The following PRKCE variants were observed in gnomAD, a reference collection of about 807,000 sequenced individuals.
PRKCE encodes the protein protein kinase C epsilon type.
Under a neutral mutation model 85.4 loss-of-function variants are expected in PRKCE, and 16 were observed. The ratio of observed to expected loss-of-function variants is 0.19; its 90% CI spans 0.13 to 0.28. The LOEUF is 0.28. Ranked by LOEUF, PRKCE falls within the 10% of genes least tolerant of loss-of-function variation. PRKCE has a pLI of 1.00. For synonymous variants in PRKCE, 388 were observed against 371.5 expected (o/e 1.04, Z -0.51); for missense variants, 573 against 975.2 (o/e 0.59, Z 5.49).
At chr2:46,015,691 C>CAAAAAAAAAAAAAAAAAAACA (rs1706073650) in intron 10 of PRKCE, among the ~76,000 whole-genome samples, 1 of 80,798 alleles carries the variant, frequency 1.2e-5, no homozygotes, top group African/African-American at 4.6e-5. Flanking sequence ...AACACTAAAC[C>CAAAAAAAAAAAAAAAAAAACA]AAAAAAAAAA....
chr2:45,900,960 G>A (rs1369195138), intron 2 of PRKCE, among the ~76,000 whole-genome samples: 1 of 152,198 alleles, frequency 6.6e-6, no homozygotes, highest in Non-Finnish European at 1.5e-5. Flanking sequence ...TACAGGTACT[G>A]TAAGGACTTT....
chr2:45,810,399 C>T (rs1366332073), intron 1 of PRKCE, among the ~76,000 whole-genome samples: 1 of 152,126 alleles, frequency 6.6e-6, no homozygotes, highest in Non-Finnish European at 1.5e-5. Context: ...TATCTTTGCA[C>T]ATGGCAAAGA....
chr2:45,776,891 T>C (rs1057296343), intron 1 of PRKCE, among the ~76,000 whole-genome samples: 1 of 152,224 alleles, frequency 6.6e-6, no homozygotes, highest in Admixed American at 6.5e-5. Context: ...CTGATCTGTG[T>C]ATCTTCTCTC....
chr2:45,859,765 G>A (rs1311572899), intron 2 of PRKCE, among the ~76,000 whole-genome samples: 4 of 152,110 alleles, frequency 2.6e-5, no homozygotes, highest in African/African-American at 9.7e-5. Context: ...ATGAAACTTG[G>A]TGGATCTTGA....
chr2:45,690,809 CA>C (rs1442898051), intron 1 of PRKCE, among the ~76,000 whole-genome samples: 1 of 152,126 alleles, frequency 6.6e-6, no homozygotes, highest in Non-Finnish European at 1.5e-5. Flanking sequence ...ACTGGGGCAC[CA>C]GTGGAAAGGC....
chr2:45,723,259 CG>C (rs1265721901), intron 1 of PRKCE, among the ~76,000 whole-genome samples: 1 of 152,156 alleles, frequency 6.6e-6, no homozygotes, highest in Non-Finnish European at 1.5e-5. Context: ...TAGAAAATGC[CG>C]TGACTCCTCC....
intron 1 of PRKCE, among the ~76,000 whole-genome samples, chr2:45,764,291 G>A (rs996325386): frequency 2.6e-5 from 4 of 152,186 alleles, no homozygotes; most frequent in South Asian, 4.1e-4. Context: ...CACAAGAGGG[G>A]TAAAATTCCA....
At chr2:45,662,437 AT>A (rs957656250) in intron 1 of PRKCE, among the ~76,000 whole-genome samples, 1 of 151,894 alleles carries the variant, frequency 6.6e-6, no homozygotes, top group African/African-American at 2.4e-5. Context: ...GGATTGGCTA[AT>A]TTTTTTTCTC....
intron 11 of PRKCE, among the ~76,000 whole-genome samples, chr2:46,096,994 G>T (rs981378379): frequency 1.3e-5 from 2 of 152,176 alleles, no homozygotes; most frequent in African/African-American, 2.4e-5. Flanking sequence ...AGGAGTTACA[G>T]GTACCCCCAC....
chr2:45,794,884 G>C (rs1387144260), intron 1 of PRKCE, among the ~76,000 whole-genome samples: 1 of 146,858 alleles, frequency 6.8e-6, no homozygotes, highest in Non-Finnish European at 1.5e-5. Context: ...TTCTTAACGG[G>C]AGAAGAAACT....
chr2:46,070,647 A>AAAAAAAC (rs1553337824), intron 10 of PRKCE, among the ~76,000 whole-genome samples: 2 of 151,720 alleles, frequency 1.3e-5, no homozygotes, highest in African/African-American at 4.8e-5. Context: ...CGTCTCAAAA[A>AAAAAAAC]AAAAACAAAA....
At chr2:45,995,432 A>C (rs1425131587) in intron 6 of PRKCE, among the ~76,000 whole-genome samples, 3 of 152,110 alleles carry the variant, frequency 2.0e-5, no homozygotes, top group Non-Finnish European at 4.4e-5. Context: ...TGTGTAGCCA[A>C]GGTTACCTAT....
In PRKCE at chr2:45,720,963, C is replaced by T. The variant is rs576320967; in HGVS notation, c.348+68515C>T. The stretch of plus-strand genomic sequence containing the variant: ...CTCTACTAAAAGTACAAAAATTAGC[C>T]GTGTGTGGTGGCATGCACCTGTAGT... On this transcript the variant is annotated intron_variant, in intron 1 of 14. Transcript: ENST00000306156. 1.3e-4 allele frequency among the ~76,000 whole-genome samples: 20 copies of T among 152,108 alleles called. 1 individual carries two copies. In the South Asian group the frequency reaches 4.0e-3, roughly 30 times the overall value.
chr2:46,168,643 G>A (rs1045287111), intron 14 of PRKCE, among the ~76,000 whole-genome samples: 3 of 152,178 alleles, frequency 2.0e-5, no homozygotes, highest in Non-Finnish European at 2.9e-5. Flanking sequence ...AGCTTCGATG[G>A]CAGAAGACTT....
intron 1 of PRKCE, among the ~76,000 whole-genome samples, chr2:45,785,652 GTTC>G (rs1686544932): frequency 6.6e-6 from 1 of 152,160 alleles, no homozygotes. Context: ...AACACGATCT[GTTC>G]TTCTGACTGG....
At chr2:45,745,887 C>G (rs1683095696) in intron 1 of PRKCE, among the ~76,000 whole-genome samples, 3 of 152,212 alleles carry the variant, frequency 2.0e-5, no homozygotes, top group African/African-American at 7.2e-5. Flanking sequence ...CCCTGGGTCA[C>G]TGCACTAATT....
intron 10 of PRKCE, among the ~76,000 whole-genome samples, chr2:46,061,518 G>A (rs1410405238): frequency 6.6e-6 from 1 of 152,142 alleles, no homozygotes. Flanking sequence ...CTGTGCTGGG[G>A]CCAATGACCT....
chr2:45,766,568 G>GTAAGACA (rs1684928280), intron 1 of PRKCE, among the ~76,000 whole-genome samples: 1 of 152,190 alleles, frequency 6.6e-6, no homozygotes, highest in Admixed American at 6.5e-5. Flanking sequence ...TAAGACAAAG[G>GTAAGACA]AAGAACCTGG....
intron 1 of PRKCE, among the ~76,000 whole-genome samples, chr2:45,773,483 T>A (rs1056855435): frequency 3.3e-5 from 5 of 152,186 alleles, no homozygotes; most frequent in African/African-American, 1.2e-4. Context: ...CCAAAGCTGA[T>A]GGAACTCCTG....
Sources: allele counts gnomAD v4.1 joint callset (sites outside exome capture counted in the v4.1 genomes callset), GRCh38; gene constraint gnomAD v4.1.1; transcripts MANE v1.5; gene names NCBI Gene and HGNC (gene_info 2026-07-23, HGNC 2026-07-21).